Variants in CLIP2 observed in about 807,000 individuals in gnomAD.
The protein encoded by CLIP2 is CAP-Gly domain containing linker protein 2, also known as CAP-Gly domain-containing linker protein 2.
CLIP2 carries 41 observed loss-of-function variants against 111.7 expected under a neutral mutation model. The ratio of observed to expected loss-of-function variants is 0.37; its 90% CI spans 0.29 to 0.48. The LOEUF is 0.48. Among genes scored for constraint, CLIP2 ranks in the 20% least tolerant of loss-of-function variants. The pLI is 0.99. For synonymous variants in CLIP2, 660 were observed against 644.2 expected (o/e 1.02, Z -0.37); for missense variants, 1,160 against 1,422.1 (o/e 0.82, Z 2.96).
At chr7:74,348,087 G>A (rs1421668617) in intron 3 of CLIP2, among the ~76,000 whole-genome samples, 7 of 151,876 alleles carry the variant, frequency 4.6e-5, no homozygotes, top group South Asian at 2.1e-4. Flanking sequence ...GAATGAGGCC[G>A]TAGAATTGGG....
At position 74,357,174 on chromosome 7, in the gene CLIP2, T is replaced by C. The variant is rs1177879165; in HGVS notation, c.1018-106T>C. 18 of 966,942 alleles carry C rather than the reference T, an allele frequency of 1.9e-5. No homozygotes were observed. In the African/African-American group the frequency reaches 2.3e-4, roughly 12 times the overall value. 59.9% of individuals were successfully genotyped at this position (966,942 alleles called of 1,614,324 possible). On this transcript the variant is annotated intron_variant, in intron 5 of 16. Coordinates refer to ENST00000223398, the MANE Select transcript of CLIP2 (RefSeq NM_003388.5). ...AGCAGGACCCTGGGAGTCAAGGCACTTGGGCTCCCACCTGCTATGTTGCTG... is the reference window on the plus strand; with the variant it reads ...AGCAGGACCCTGGGAGTCAAGGCACCTGGGCTCCCACCTGCTATGTTGCTG...
intron 8 of CLIP2, among the ~76,000 whole-genome samples, chr7:74,365,455 T>C (rs1412055856): frequency 1.3e-5 from 2 of 152,170 alleles, no homozygotes; most frequent in African/African-American, 4.8e-5. Flanking sequence ...TCCCACTGTG[T>C]TTCTCGGCTC....
intron 13 of CLIP2, among the ~76,000 whole-genome samples, chr7:74,393,603 T>C (rs1394227984): frequency 6.6e-6 from 1 of 152,158 alleles, no homozygotes; most frequent in Non-Finnish European, 1.5e-5. Flanking sequence ...CCCAAAGTGC[T>C]GGGAATACAG....
At chr7:74,299,560 C>T (rs373930332) in intron 1 of CLIP2, among the ~76,000 whole-genome samples, 7 of 152,292 alleles carry the variant, frequency 4.6e-5, no homozygotes, top group Admixed American at 1.3e-4. Flanking sequence ...TGCACCCTGT[C>T]GCCTCTGGCT....
At chr7:74,368,083 C>T (rs1790509402) in intron 8 of CLIP2, among the ~76,000 whole-genome samples, 1 of 152,084 alleles carries the variant, frequency 6.6e-6, no homozygotes. Flanking sequence ...TATGGTAATG[C>T]ATGCCTATGG....
intron 2 of CLIP2, among the ~76,000 whole-genome samples, chr7:74,332,370 C>T (rs970054993): frequency 4.0e-5 from 6 of 150,278 alleles, no homozygotes; most frequent in Admixed American, 6.7e-5. Flanking sequence ...CACTGTGCCC[C>T]GTGTAATTTT....
chr7:74,386,402 TG>T (rs1430137914), intron 11 of CLIP2, 118 bp from the exon 12 acceptor site: 1 of 727,014 alleles, frequency 1.4e-6, no homozygotes, highest in African/African-American at 1.9e-5. Context: ...AGGAAGAACT[TG>T]GACCCTGGAG....
At chr7:74,365,928 A>ATT (rs1161513826) in intron 8 of CLIP2, among the ~76,000 whole-genome samples, 3 of 150,314 alleles carry the variant, frequency 2.0e-5, no homozygotes, top group African/African-American at 7.3e-5. Context: ...TAATTTTTGT[A>ATT]TTTTTTTTTG....
chr7:74,349,450 A>G (rs1304507872), intron 3 of CLIP2, among the ~76,000 whole-genome samples: 4 of 70,456 alleles, frequency 5.7e-5, no homozygotes, highest in Non-Finnish European at 9.0e-5. Flanking sequence ...AAAAAAAAGT[A>G]TGTATGTGTG....
intron 8 of CLIP2, chr7:74,364,993 TTG>T (rs10600630): frequency 0.039 from 10,247 of 264,522 alleles, 462 homozygotes; most frequent in African/African-American, 0.077. Flanking sequence ...CTGTTTTTTG[TTG>T]TGTGTGTGTG....
chr7:74,372,001 C>T (rs985444914), intron 8 of CLIP2, among the ~76,000 whole-genome samples: 1 of 152,126 alleles, frequency 6.6e-6, no homozygotes, highest in Admixed American at 6.6e-5. Context: ...TGCCCTGCAG[C>T]TGCTTTAACC....
At chr7:74,349,509 T>C (rs1554307114) in intron 3 of CLIP2, among the ~76,000 whole-genome samples, 1 of 135,630 alleles carries the variant, frequency 7.4e-6, no homozygotes, top group African/African-American at 2.7e-5. Flanking sequence ...TATATATATA[T>C]ATGTAAATAA....
intron 11 of CLIP2, among the ~76,000 whole-genome samples, chr7:74,382,796 G>A (rs1554314157): frequency 6.6e-6 from 1 of 151,814 alleles, no homozygotes; most frequent in Non-Finnish European, 1.5e-5. Flanking sequence ...ATCAGGCCAG[G>A]TATGGTGGCT....
At position 74,327,136 on chromosome 7, in the gene CLIP2, T is replaced by C. The variant is rs557208296; in HGVS notation, c.121+9469T>C. 7.4e-4 allele frequency among the ~76,000 whole-genome samples: 112 copies of C among 152,288 alleles called. 1 individual carries two copies. Among genetic ancestry groups the C allele is most frequent in the Admixed American group, 4.3e-3 (65 of 15,272 alleles). ...TTTGTTTTTTGAGAGAGAGTCTCGC[T>C]CTGTTGCTCAGGCTGGAGTGCAGTG... On this transcript the variant is annotated intron_variant, in intron 2 of 16. Transcript: ENST00000223398.
chr7:74,323,467 G>A (rs531641013), intron 2 of CLIP2, among the ~76,000 whole-genome samples: 7 of 146,172 alleles, frequency 4.8e-5, no homozygotes, highest in South Asian at 2.2e-4. Context: ...TTACTCCATC[G>A]CCCAGGCTGT....
At chr7:74,317,881 T>G (rs981488169) in intron 2 of CLIP2, among the ~76,000 whole-genome samples, 1 of 151,990 alleles carries the variant, frequency 6.6e-6, no homozygotes, top group Non-Finnish European at 1.5e-5. Flanking sequence ...GGAGGGTGAA[T>G]AGGTGATTCA....
chr7:74,394,245 A>ATTTTTTTTTT (rs56651501), intron 13 of CLIP2, among the ~76,000 whole-genome samples: 1 of 117,410 alleles, frequency 8.5e-6, no homozygotes, highest in East Asian at 2.3e-4. Flanking sequence ...TTTTCTTCTT[A>ATTTTTTTTTT]TTTTTTTTTT....
intron 1 of CLIP2, among the ~76,000 whole-genome samples, chr7:74,301,052 T>C (rs1554726754): frequency 6.6e-6 from 1 of 152,230 alleles, no homozygotes; most frequent in Non-Finnish European, 1.5e-5. Flanking sequence ...TTACCAACAG[T>C]GTATACGCGT....
At chr7:74,388,054 G>A (rs1791168219) in intron 12 of CLIP2, among the ~76,000 whole-genome samples, 1 of 152,044 alleles carries the variant, frequency 6.6e-6, no homozygotes, top group Non-Finnish European at 1.5e-5. Flanking sequence ...CCGGGGCTGG[G>A]CATGGTGGCT....
Sources: allele counts gnomAD v4.1 joint callset (sites outside exome capture counted in the v4.1 genomes callset), GRCh38; gene constraint gnomAD v4.1.1; transcripts MANE v1.5; gene names NCBI Gene and HGNC (gene_info 2026-07-23, HGNC 2026-07-21).